NR3C2: variants seen among roughly 807,000 people sequenced by gnomAD.
NR3C2 encodes mineralocorticoid receptor.
In NR3C2, 15 loss-of-function variants were observed where a neutral mutation model predicts 86.4. The observed-to-expected ratio is 0.17, with a 90% CI of 0.12 to 0.27. The LOEUF (loss-of-function observed/expected upper bound fraction) is 0.27. NR3C2 is among the 10% of genes least tolerant of loss of function. The pLI is 1.00. For missense variants in NR3C2, 960 were observed against 1,195.6 expected, an observed-to-expected ratio of 0.80 and a Z score of 2.91; for synonymous variants, 458 against 450.5, an observed-to-expected ratio of 1.02 and a Z score of -0.21.
At chr4:148,307,693 A>T (rs777420504) in intron 2 of NR3C2, among the ~76,000 whole-genome samples, 29 of 152,282 alleles carry the variant, frequency 1.9e-4, no homozygotes, top group Non-Finnish European at 3.7e-4. Flanking sequence ...GGGAAACAGA[A>T]CAAGCTTCTT....
At chr4:148,096,776 T>TTCAC (rs1731295343) in intron 8 of NR3C2, among the ~76,000 whole-genome samples, 2 of 152,236 alleles carry the variant, frequency 1.3e-5, no homozygotes, top group African/African-American at 4.8e-5. Context: ...CATTCATTCA[T>TTCAC]TCACATATAT....
intron 8 of NR3C2, among the ~76,000 whole-genome samples, chr4:148,098,439 C>T (rs564096539): frequency 1.3e-4 from 20 of 151,968 alleles, no homozygotes; most frequent in Admixed American, 1.0e-3. Flanking sequence ...TGGGCCATCT[C>T]AACAGTAGAC....
intron 2 of NR3C2, among the ~76,000 whole-genome samples, chr4:148,405,455 G>A (rs370217943): frequency 6.6e-6 from 1 of 152,126 alleles, no homozygotes; most frequent in Non-Finnish European, 1.5e-5. Flanking sequence ...TACACTTGTA[G>A]GGAACGCACA....
intron 6 of NR3C2, among the ~76,000 whole-genome samples, chr4:148,134,388 A>G (rs935297123): frequency 6.6e-6 from 1 of 152,162 alleles, no homozygotes; most frequent in African/African-American, 2.4e-5. Context: ...TAGTCTAAAT[A>G]TTTCTTATCC....
chr4:148,190,492 TAG>T (rs2149799058), intron 4 of NR3C2, among the ~76,000 whole-genome samples: 1 of 152,342 alleles, frequency 6.6e-6, no homozygotes, highest in East Asian at 1.9e-4. Flanking sequence ...CGCTGTTGAA[TAG>T]AATGTGTATT....
intron 2 of NR3C2, among the ~76,000 whole-genome samples, chr4:148,331,587 T>C (rs1022630473): frequency 3.9e-5 from 6 of 152,264 alleles, no homozygotes; most frequent in Admixed American, 6.5e-5. Flanking sequence ...TCTACACTTA[T>C]GTAAAAATTC....
chr4:148,415,088 C>G (rs978884032), intron 2 of NR3C2, among the ~76,000 whole-genome samples: 4 of 152,152 alleles, frequency 2.6e-5, no homozygotes, highest in African/African-American at 9.7e-5. Flanking sequence ...AATAAAACTC[C>G]TCCTATTTAC....
intron 8 of NR3C2, among the ~76,000 whole-genome samples, chr4:148,111,289 C>G (rs1268308469): frequency 6.6e-6 from 1 of 152,144 alleles, no homozygotes; most frequent in Admixed American, 6.5e-5. Context: ...CACTATGCAG[C>G]TATTAGAATG....
At chr4:148,114,331 T>C in intron 7 of NR3C2, 70 bp from the exon 8 acceptor site, 1 of 1,537,064 alleles carries the variant, frequency 6.5e-7, no homozygotes, top group Non-Finnish European at 8.9e-7. Context: ...GCAGGTAAAG[T>C]CATATACTGA....
intron 2 of NR3C2, among the ~76,000 whole-genome samples, chr4:148,301,530 G>T (rs780451875): frequency 9.9e-5 from 15 of 152,074 alleles, no homozygotes; most frequent in Non-Finnish European, 1.8e-4. Context: ...AATTCAAAAG[G>T]GTATTATATG....
intron 3 of NR3C2, among the ~76,000 whole-genome samples, chr4:148,251,073 C>T (rs189042440): frequency 6.6e-6 from 1 of 152,074 alleles, no homozygotes; most frequent in Admixed American, 6.6e-5. Context: ...CCTCAGCCCC[C>T]CAAGGAGCTG....
chr4:148,200,004 A>C (rs1736639549), intron 3 of NR3C2, among the ~76,000 whole-genome samples: 1 of 152,224 alleles, frequency 6.6e-6, no homozygotes, highest in Non-Finnish European at 1.5e-5. Context: ...AGCCTTAAGG[A>C]ATGTTCTAGA....
intron 2 of NR3C2, among the ~76,000 whole-genome samples, chr4:148,402,840 A>T (rs576085743): frequency 4.6e-5 from 7 of 152,280 alleles, no homozygotes; most frequent in South Asian, 4.1e-4. Flanking sequence ...TGACATGAAA[A>T]TAAGTCCAAA....
chr4:148,117,519 A>G (rs1037431021), intron 7 of NR3C2, among the ~76,000 whole-genome samples: 1 of 113,682 alleles, frequency 8.8e-6, no homozygotes, highest in Admixed American at 9.0e-5. Context: ...AGGATACTCA[A>G]CATATCACAC....
intron 2 of NR3C2, among the ~76,000 whole-genome samples, chr4:148,310,114 G>A (rs1433232753): frequency 6.6e-6 from 1 of 152,116 alleles, no homozygotes; most frequent in African/African-American, 2.4e-5. Flanking sequence ...AAAATTAACA[G>A]AAAACTTTTA....
chr4:148,219,773 T>G (rs1737737193), intron 3 of NR3C2, among the ~76,000 whole-genome samples: 1 of 152,226 alleles, frequency 6.6e-6, no homozygotes. Flanking sequence ...TTTTAAAAAT[T>G]TTATTTCAGA....
chr4:148,407,110 C>A (rs1325628856), intron 2 of NR3C2, among the ~76,000 whole-genome samples: 1 of 152,122 alleles, frequency 6.6e-6, no homozygotes, highest in Non-Finnish European at 1.5e-5. Flanking sequence ...CATATTATTA[C>A]AAATGGAGAA....
chr4:148,417,810 C>A (rs1247346378), intron 2 of NR3C2, among the ~76,000 whole-genome samples: 7 of 152,114 alleles, frequency 4.6e-5, no homozygotes, highest in Non-Finnish European at 5.9e-5. Context: ...CTTTTGTTTT[C>A]ATTTCTGTTG....
At chr4:148,261,245 T>C (rs1740086231) in intron 2 of NR3C2, among the ~76,000 whole-genome samples, 1 of 151,546 alleles carries the variant, frequency 6.6e-6, no homozygotes, top group Admixed American at 6.6e-5. Context: ...GTAAGCGCTA[T>C]GGTGCACTAT....
Sources: allele counts gnomAD v4.1 joint callset (sites outside exome capture counted in the v4.1 genomes callset), GRCh38; gene constraint gnomAD v4.1.1; transcripts MANE v1.5; gene names NCBI Gene and HGNC (gene_info 2026-07-23, HGNC 2026-07-21).